The following LRRC53 variants were observed in gnomAD, a reference collection of about 807,000 sequenced individuals.
LRRC53 encodes the protein leucine-rich repeat-containing protein 53.
In LRRC53, 25 loss-of-function variants were observed where a neutral mutation model predicts 13.6. That is an observed-to-expected ratio of 1.83 (90% confidence interval 1.34 to 2.56). The LOEUF is 2.56. Ranked by LOEUF, LRRC53 falls within the 30% of genes most tolerant of loss-of-function variation. The probability of loss-of-function intolerance (pLI) is 0.00; values close to 1 mark genes in which losing one functional copy is unlikely to be tolerated. For synonymous variants in LRRC53, 204 were observed against 109.8 expected, an observed-to-expected ratio of 1.86 and a Z score of -5.37; for missense variants, 527 against 275.8, an observed-to-expected ratio of 1.91 and a Z score of -6.45.
intron 1 of LRRC53, among the ~76,000 whole-genome samples, chr1:74,490,070 A>AC (rs1668983723): frequency 6.6e-6 from 1 of 151,026 alleles, no homozygotes; most frequent in Non-Finnish European, 1.5e-5. Context: ...AAAAAAAAAA[A>AC]AAAAAACTCA....
intron 1 of LRRC53, among the ~76,000 whole-genome samples, chr1:74,493,925 C>T (rs1405061829): frequency 6.6e-6 from 1 of 152,084 alleles, no homozygotes; most frequent in Non-Finnish European, 1.5e-5. Flanking sequence ...GGAAGAATTG[C>T]AAAGCCATAT....
the LRRC53 span, among the ~76,000 whole-genome samples, chr1:74,518,874 CTT>C: frequency 0.05 from 1,452 of 28,902 alleles, 29 homozygotes; most frequent in East Asian, 0.17. Flanking sequence ...TTTTTTTCCC[CTT>C]TTTTTTTTTT....
chr1:74,501,049 A>G (rs578128742), intron 1 of LRRC53, among the ~76,000 whole-genome samples: 106 of 152,288 alleles, frequency 7.0e-4, no homozygotes, highest in African/African-American at 2.4e-3. Flanking sequence ...GTCTCTTCTA[A>G]CATTTCTTTA....
intron 3 of LRRC53, among the ~76,000 whole-genome samples, chr1:74,476,619 TAATGA>T (rs1212675982): frequency 1.1e-4 from 17 of 152,156 alleles, no homozygotes; most frequent in Non-Finnish European, 2.5e-4. Flanking sequence ...TGAATTCTGA[TAATGA>T]AATCATTGGT....
intron 3 of LRRC53, among the ~76,000 whole-genome samples, chr1:74,479,244 C>T (rs773678893): frequency 3.3e-5 from 5 of 152,230 alleles, no homozygotes; most frequent in East Asian, 3.9e-4. Flanking sequence ...ACACACACAT[C>T]GAGCTAGATA....
chr1:74,510,498 A>T (rs550346778), intron 1 of LRRC53, among the ~76,000 whole-genome samples: 1 of 152,122 alleles, frequency 6.6e-6, no homozygotes, highest in Admixed American at 6.5e-5. Flanking sequence ...ACAGAGTGAG[A>T]CTCCGTCTCA....
the LRRC53 span, among the ~76,000 whole-genome samples, chr1:74,532,040 T>C: frequency 6.6e-6 from 1 of 152,212 alleles, no homozygotes; most frequent in Non-Finnish European, 1.5e-5. Context: ...GCCTGAAGTC[T>C]TTAATCACAC....
rs1287038855 is a variant in LRRC53 at position 74,480,616 on chromosome 1, T to G, written c.441A>C (p.Thr147=). The G allele has an allele frequency of 1.4e-6, 1 of 717,136 alleles. No individual in the cohort carries two copies. Among genetic ancestry groups the G allele is most frequent in the Admixed American group, 2.0e-5 (1 of 49,998 alleles). 44.4% of individuals were successfully genotyped at this position (717,136 alleles called of 1,614,324 possible). A position where few individuals can be genotyped will look rare whatever the true frequency, so the allele number is the denominator to read the frequency against. The stretch of plus-strand genomic sequence containing the variant: ...GATTCGTGCCTCCGAAAGAACTGTC[T>G]GTGAGATTAGTAATCTGATTCCCAT... ...QLDGNQITNL[T]DSSFGGTNLH... The change falls in exon 3 of 5, where the codon ACA becomes ACC. Residue 147 remains threonine, a synonymous_variant. Transcript: ENST00000294635.
chr1:74,493,855 G>T (rs985653516), intron 1 of LRRC53, among the ~76,000 whole-genome samples: 1 of 152,164 alleles, frequency 6.6e-6, no homozygotes, highest in Non-Finnish European at 1.5e-5. Flanking sequence ...CATTCCATTG[G>T]CAAGTTTCAC....
In LRRC53 at chr1:74,475,376, T is replaced by C. The variant is rs547176954; in HGVS notation, c.1339A>G (p.Arg447Gly). 2.1e-5 allele frequency: 15 copies of C among 716,736 alleles called. No homozygotes were observed. The highest frequency in any genetic ancestry group is 3.4e-5 in the Non-Finnish European group (13 of 384,712). The allele number at this position is 716,736 out of a possible 1,614,324, so 44.4% of individuals were successfully genotyped here. A position where few individuals can be genotyped will look rare whatever the true frequency, so the allele number is the denominator to read the frequency against. Residue 447 changes from arginine (R) to glycine (G), a missense_variant, in exon 4 of 5, where the codon AGG becomes GGG. Transcript: ENST00000294635. ...AGATTCCATAGCTTTTGAACTTTCC[T>C]TGGATTATATGTTGTAAGTAAGCCT... ...EAGLLTTYNPRKVQKLWNLEP... is the reference protein window; with the variant it reads ...EAGLLTTYNPGKVQKLWNLEP...
chr1:74,523,103 T>G, the LRRC53 span, among the ~76,000 whole-genome samples: 2 of 152,318 alleles, frequency 1.3e-5, no homozygotes, highest in East Asian at 3.9e-4. Context: ...TCTTCCCTCT[T>G]ACAGGCCAGG....
intron 4 of LRRC53, 30 bp from the exon 5 acceptor site, chr1:74,472,231 A>G: frequency 1.4e-6 from 1 of 714,674 alleles, no homozygotes; most frequent in Non-Finnish European, 2.6e-6. Flanking sequence ...AGAATTTAGC[A>G]CTTAGCAGAG....
rs1427023871 is a variant in LRRC53, at chr1:74,475,521, T to A, written c.1194A>T (p.Ser398=). The A allele has an allele frequency of 2.8e-6, 2 of 717,000 alleles. No homozygotes were observed. The highest frequency in any genetic ancestry group is 4.0e-5 in the Admixed American group (2 of 49,906). 44.4% of individuals were successfully genotyped at this position (717,000 alleles called of 1,614,324 possible). A position where few individuals can be genotyped will look rare whatever the true frequency, so the allele number is the denominator to read the frequency against. Residue 398 remains serine (S), a synonymous_variant, in exon 4 of 5, where the codon TCA becomes TCT. Transcript: ENST00000294635. ...SASESATLDG[S]FRNLKKKDRG... is the part of the protein sequence containing the mutation. ...GGTCTTTCTTTTTCAGGTTTCTAAATGATCCGTCAAGGGTTGCAGACTCAG... is the reference window on the plus strand; with the variant it reads ...GGTCTTTCTTTTTCAGGTTTCTAAAAGATCCGTCAAGGGTTGCAGACTCAG...
intron 1 of LRRC53, among the ~76,000 whole-genome samples, chr1:74,485,681 G>A (rs1302090582): frequency 1.3e-5 from 2 of 152,168 alleles, no homozygotes; most frequent in African/African-American, 4.8e-5. Flanking sequence ...CCCTTCAAAA[G>A]CAGAATAAGT....
the LRRC53 span, among the ~76,000 whole-genome samples, chr1:74,528,429 C>T: frequency 6.6e-6 from 1 of 151,980 alleles, no homozygotes; most frequent in Non-Finnish European, 1.5e-5. Context: ...AGTGAGGAAG[C>T]CTTCTGCATG....
intron 1 of LRRC53, chr1:74,489,291 G>T: frequency 6.3e-7 from 1 of 1,587,386 alleles, no homozygotes; most frequent in Middle Eastern, 1.7e-4. Flanking sequence ...AAAAAGCCCT[G>T]CATATCCAAG....
At chr1:74,503,029 A>G (rs1463349395) in intron 1 of LRRC53, among the ~76,000 whole-genome samples, 4 of 152,212 alleles carry the variant, frequency 2.6e-5, no homozygotes, top group Non-Finnish European at 5.9e-5. Context: ...TGATTTCTTT[A>G]TGGAACTGAG....
intron 1 of LRRC53, chr1:74,492,335 A>T (rs986645149): frequency 1.4e-6 from 2 of 1,383,726 alleles, no homozygotes; most frequent in Non-Finnish European, 1.9e-6. Flanking sequence ...CAGTCAACTG[A>T]TTTGATTACT....
Position 74,470,681 on chromosome 1 carries a change from T to C in LRRC53, c.2941A>G (p.Ile981Val). ...TTATCCATAATACAATTTTCCACAA[T>C]TTGATGTGATATTTGGGGTTTTGTC... is the stretch of plus-strand genomic sequence containing the variant. ...LMTKPQISHQ[I>V]VENCIMDKEE... The change falls in exon 5 of 5, where the codon ATT becomes GTT. Residue 981 changes from isoleucine to valine, a missense_variant. By Grantham distance (29) the Ile-to-Val change is conservative (BLOSUM62 3). Transcript: ENST00000294635. 2 of 400,724 alleles carry C rather than the reference T, an allele frequency of 5.0e-6. No homozygotes were observed. Among genetic ancestry groups the C allele is most frequent in the Non-Finnish European group, 8.8e-6 (2 of 226,196 alleles). 24.8% of individuals were successfully genotyped at this position (400,724 alleles called of 1,614,324 possible).
Sources: gnomAD v4.1 joint callset for allele counts (sites outside exome capture counted in the v4.1 genomes callset) on GRCh38, gnomAD v4.1.1 for gene constraint, MANE v1.5 for transcripts, NCBI Gene and HGNC (gene_info 2026-07-23, HGNC 2026-07-21) for gene names.